PLCB1: variants seen among roughly 807,000 people sequenced by gnomAD.
The protein encoded by PLCB1 is phospholipase C beta 1.
Under a neutral mutation model 161.8 loss-of-function variants are expected in PLCB1, and 46 were observed. That is an observed-to-expected ratio of 0.28 (90% CI 0.22 to 0.36). PLCB1 has a LOEUF of 0.36. Among genes scored for constraint, PLCB1 ranks in the 10% least tolerant of loss-of-function variants. PLCB1 has a pLI of 1.00. For synonymous variants in PLCB1, 517 were observed against 503.7 expected, an observed-to-expected ratio of 1.03 and a Z score of -0.35; for missense variants, 1,016 against 1,472.5, an observed-to-expected ratio of 0.69 and a Z score of 5.07.
At chr20:8,383,693 C>T (rs1157199922) in intron 3 of PLCB1, among the ~76,000 whole-genome samples, 1 of 152,152 alleles carries the variant, frequency 6.6e-6, no homozygotes, top group Non-Finnish European at 1.5e-5. Context: ...TTAGTGCTTC[C>T]TTCAGGAGCT....
chr20:8,510,383 CTTTTTTT>C (rs11479098), intron 3 of PLCB1, among the ~76,000 whole-genome samples: 1 of 119,822 alleles, frequency 8.3e-6, no homozygotes, highest in South Asian at 2.7e-4. Context: ...TTTTCTTTTT[CTTTTTTT>C]TTTTTTTTTT....
intron 3 of PLCB1, among the ~76,000 whole-genome samples, chr20:8,574,785 T>C (rs1349420348): frequency 6.6e-6 from 1 of 152,208 alleles, no homozygotes; most frequent in Non-Finnish European, 1.5e-5. Flanking sequence ...TGGTTGATGG[T>C]TGTTTCCAGG....
intron 3 of PLCB1, among the ~76,000 whole-genome samples, chr20:8,396,705 A>G (rs1987777599): frequency 6.6e-6 from 1 of 152,088 alleles, no homozygotes; most frequent in Non-Finnish European, 1.5e-5. Context: ...TGGTTTAGTA[A>G]TTCCAGATAT....
chr20:8,879,308 AAAAC>A (rs962689538), intron 31 of PLCB1, among the ~76,000 whole-genome samples: 2 of 152,006 alleles, frequency 1.3e-5, no homozygotes, highest in African/African-American at 4.8e-5. Context: ...AAAAAAAAAA[AAAAC>A]AAGTCATTTA....
At chr20:8,670,148 A>C (rs1989908472) in intron 9 of PLCB1, among the ~76,000 whole-genome samples, 1 of 152,188 alleles carries the variant, frequency 6.6e-6, no homozygotes, top group Non-Finnish European at 1.5e-5. Flanking sequence ...TGTACTTAAG[A>C]GAGACAGGTT....
chr20:8,252,369 A>G (rs1981191878), intron 2 of PLCB1, among the ~76,000 whole-genome samples: 1 of 151,960 alleles, frequency 6.6e-6, no homozygotes, highest in Admixed American at 6.6e-5. Context: ...CCTAAAGGTC[A>G]GTGAATCCTG....
At chr20:8,158,394 C>A (rs1297104632) in intron 2 of PLCB1, among the ~76,000 whole-genome samples, 1 of 152,096 alleles carries the variant, frequency 6.6e-6, no homozygotes, top group Non-Finnish European at 1.5e-5. Context: ...GCTGATAAGA[C>A]ATACCTGAGA....
intron 2 of PLCB1, among the ~76,000 whole-genome samples, chr20:8,327,033 G>T (rs1221765193): frequency 1.3e-5 from 2 of 152,140 alleles, no homozygotes; most frequent in African/African-American, 4.8e-5. Flanking sequence ...CTACAGGCGT[G>T]CGCCACCATG....
intron 2 of PLCB1, among the ~76,000 whole-genome samples, chr20:8,207,358 CCTT>C (rs1350721163): frequency 1.3e-5 from 2 of 152,124 alleles, no homozygotes; most frequent in Admixed American, 1.3e-4. Flanking sequence ...TCCTCTCTGT[CCTT>C]CTTAAACAGA....
At chr20:8,238,912 G>A (rs1199163459) in intron 2 of PLCB1, among the ~76,000 whole-genome samples, 2 of 151,882 alleles carry the variant, frequency 1.3e-5, no homozygotes, top group African/African-American at 4.8e-5. Context: ...AAGGCCTGGG[G>A]AGGAATGGAA....
intron 10 of PLCB1, among the ~76,000 whole-genome samples, chr20:8,691,105 G>A (rs1389137261): frequency 6.6e-6 from 1 of 152,100 alleles, no homozygotes; most frequent in Non-Finnish European, 1.5e-5. Context: ...GTCAAAATTT[G>A]GTTTTACTTC....
At chr20:8,878,289 CAT>C (rs1248735711) in intron 31 of PLCB1, among the ~76,000 whole-genome samples, 1 of 152,284 alleles carries the variant, frequency 6.6e-6, no homozygotes, top group Admixed American at 6.5e-5. Flanking sequence ...CTTGGAAACA[CAT>C]GTGTTACTGA....
At chr20:8,855,540 C>G (rs1243583089) in intron 31 of PLCB1, among the ~76,000 whole-genome samples, 1 of 152,118 alleles carries the variant, frequency 6.6e-6, no homozygotes, top group Non-Finnish European at 1.5e-5. Flanking sequence ...TCTAATTTCC[C>G]CATTCACATT....
At chr20:8,500,544 A>G (rs1983363629) in intron 3 of PLCB1, among the ~76,000 whole-genome samples, 1 of 152,210 alleles carries the variant, frequency 6.6e-6, no homozygotes, top group African/African-American at 2.4e-5. Context: ...CCTGTATCAA[A>G]CAACTACATA....
At chr20:8,351,506 T>G (rs1332085617) in intron 2 of PLCB1, among the ~76,000 whole-genome samples, 1 of 151,998 alleles carries the variant, frequency 6.6e-6, no homozygotes, top group Non-Finnish European at 1.5e-5. Flanking sequence ...TGCTTAAATT[T>G]AAAACTTTTG....
chr20:8,133,517 T>C (rs2051314100), intron 1 of PLCB1, among the ~76,000 whole-genome samples: 1 of 152,164 alleles, frequency 6.6e-6, no homozygotes, highest in Admixed American at 6.5e-5. Flanking sequence ...GTTTGCCAGG[T>C]AGGGCAGAGC....
chr20:8,136,451 C>T (rs1291252605), intron 1 of PLCB1, among the ~76,000 whole-genome samples: 1 of 151,940 alleles, frequency 6.6e-6, no homozygotes. Context: ...ACGGTGAAAC[C>T]CCCTCTCTAC....
At chr20:8,276,137 A>G (rs1982532939) in intron 2 of PLCB1, among the ~76,000 whole-genome samples, 1 of 152,198 alleles carries the variant, frequency 6.6e-6, no homozygotes, top group African/African-American at 2.4e-5. Flanking sequence ...TAAAACAAAA[A>G]AGATTAATTA....
intron 3 of PLCB1, among the ~76,000 whole-genome samples, chr20:8,485,647 T>C (rs1319458704): frequency 6.6e-6 from 1 of 152,196 alleles, no homozygotes. Context: ...CCTCATCTGG[T>C]GAACTTGGGC....
Sources: gnomAD v4.1 joint callset for allele counts (sites outside exome capture counted in the v4.1 genomes callset) on GRCh38, gnomAD v4.1.1 for gene constraint, MANE v1.5 for transcripts, NCBI Gene and HGNC (gene_info 2026-07-23, HGNC 2026-07-21) for gene names.